D2HGDH: variants seen among roughly 807,000 people sequenced by gnomAD.
D2HGDH encodes D-2-hydroxyglutarate dehydrogenase.
D2HGDH carries 31 observed loss-of-function variants against 46.9 expected under a neutral mutation model. That is an observed-to-expected ratio of 0.66 (90% CI 0.50 to 0.89). The LOEUF (loss-of-function observed/expected upper bound fraction) is 0.89, where lower values mean the gene tolerates loss of function less well. D2HGDH is among the 40% of genes least tolerant of loss of function. The probability of loss-of-function intolerance (pLI) is 0.00; values close to 1 mark genes in which losing one functional copy is unlikely to be tolerated. For synonymous variants in D2HGDH, 364 were observed against 332.6 expected (o/e 1.09, Z -1.03); for missense variants, 698 against 720.8 (o/e 0.97, Z 0.36).
rs1480913681 is a variant in D2HGDH at position 241,756,002 on chromosome 2, T to C, written c.1294T>C (p.Tyr432His). 6 of 1,599,008 alleles carry C rather than the reference T, an allele frequency of 3.8e-6. No individual in the cohort carries two copies. Among genetic ancestry groups the C allele is most frequent in the Non-Finnish European group, 5.1e-6 (6 of 1,169,016 alleles). The stretch of plus-strand genomic sequence containing the variant: ...CCCGCACGCCAAGCACGTGGTGGGC[T>C]ATGGCCACCTTGGTGAGCGGCGCCC... The part of the protein sequence containing the change: ...LGPHAKHVVG[Y>H]GHLGDGNLHL... The change falls in exon 9 of 10, where the codon TAT becomes CAT. Residue 432 changes from tyrosine (Y) to histidine (H), a missense_variant. Tyr to His is a moderately conservative substitution (Grantham distance 83, BLOSUM62 2). Coordinates refer to ENST00000321264, the MANE Select transcript of D2HGDH (RefSeq NM_152783.5).
At position 241,742,415 on chromosome 2, in the gene D2HGDH, C is replaced by T. The variant is rs1342776670; in HGVS notation, c.351-20C>T. On this transcript the variant is annotated intron_variant, in intron 3 of 9. Transcript: ENST00000321264. This position sits in a 1 kb window ranked among gnomAD's most constrained non-coding sequence, Gnocchi z 4.8. ...AGGGGTGGGGACAGAGCCCCAACGT[C>T]CCTCCTGTCCTCATCCCAGGCACTG... is the stretch of plus-strand genomic sequence containing the variant. 1.3e-6 allele frequency: 2 copies of T among 1,598,794 alleles called. No individual in the cohort carries two copies. The highest frequency in any genetic ancestry group is 2.2e-5 in the South Asian group (2 of 89,382).
At chr2:241,737,114 G>C (rs1208189015) in intron 2 of D2HGDH, among the ~76,000 whole-genome samples, 1 of 152,156 alleles carries the variant, frequency 6.6e-6, no homozygotes, top group African/African-American at 2.4e-5. Context: ...GACTACAGGC[G>C]CCCGCCACCA....
At chr2:241,745,003 C>G (rs1050763789) in intron 6 of D2HGDH, 126 bp downstream of exon 6, 8 of 1,235,322 alleles carry the variant, frequency 6.5e-6, no homozygotes, top group African/African-American at 6.0e-5. Context: ...GTTCCCGTGT[C>G]TCCTGACATC....
chr2:241,751,461 C>T (rs572813814), intron 8 of D2HGDH, 73 bp downstream of exon 8: 50 of 1,589,408 alleles, frequency 3.1e-5, no homozygotes, highest in East Asian at 4.5e-5. Context: ...ATGCCTGGAA[C>T]GGTCATTGGT....
At chr2:241,740,752 C>T (rs1297179931) in intron 2 of D2HGDH, among the ~76,000 whole-genome samples, 1 of 152,182 alleles carries the variant, frequency 6.6e-6, no homozygotes, top group Non-Finnish European at 1.5e-5. Flanking sequence ...CGAGACCAGC[C>T]TGGCCAATGT....
At chr2:241,737,610 C>T (rs896154195) in intron 2 of D2HGDH, among the ~76,000 whole-genome samples, 25 of 152,198 alleles carry the variant, frequency 1.6e-4, no homozygotes, top group African/African-American at 5.3e-4. Context: ...CTGTCTCAGC[C>T]TCCTGAGTAG....
intron 6 of D2HGDH, chr2:241,749,179 G>A (rs1381359796): frequency 1.3e-5 from 11 of 847,914 alleles, no homozygotes; most frequent in Non-Finnish European, 1.7e-5. Flanking sequence ...AGTCCCCACC[G>A]CCAGACCCTC....
chr2:241,746,975 A>C (rs964225576), intron 6 of D2HGDH, among the ~76,000 whole-genome samples: 2 of 151,826 alleles, frequency 1.3e-5, no homozygotes, highest in African/African-American at 4.8e-5. Flanking sequence ...AGTCTGTGAA[A>C]GTTTTTTTTA....
intron 6 of D2HGDH, among the ~76,000 whole-genome samples, chr2:241,747,983 G>A (rs1245045782): frequency 6.6e-6 from 1 of 152,190 alleles, no homozygotes; most frequent in Non-Finnish European, 1.5e-5. Flanking sequence ...GGGTCTCCTG[G>A]ATTCCTCACT....
At chr2:241,754,490 ATGG>A (rs1697852002) in intron 8 of D2HGDH, 1 of 152,010 alleles carries the variant, frequency 6.6e-6, no homozygotes, top group African/African-American at 2.4e-5. Context: ...CAAAAAATTG[ATGG>A]TGGGGAAATG....
chr2:241,749,412 C>T (rs1408767917), intron 6 of D2HGDH: 2 of 1,240,084 alleles, frequency 1.6e-6, no homozygotes, highest in Non-Finnish European at 2.1e-6. Flanking sequence ...GGGCACGGGC[C>T]CCCTCCTGCT....
At position 241,743,958 on chromosome 2, in the gene D2HGDH, G is replaced by C; in HGVS notation, c.684+143G>C. On this transcript the variant is annotated intron_variant, in intron 5 of 9. Transcript: ENST00000321264. This position sits in a 1 kb window ranked among gnomAD's most constrained non-coding sequence, Gnocchi z 4.8. The stretch of plus-strand genomic sequence containing the variant: ...CTGGCCCTGGGCCCCTCAAGGATGT[G>C]TGGGCTACATACACCCCCATCCTGA... The C allele has an allele frequency of 2.1e-5, 19 of 916,508 alleles. 3 individuals carry two copies. In the South Asian group the frequency reaches 3.1e-4, roughly 15 times the overall value. The allele number at this position is 916,508 out of a possible 1,614,324, so 56.8% of individuals were successfully genotyped here.
intron 6 of D2HGDH, chr2:241,749,394 T>A: frequency 7.9e-7 from 1 of 1,265,848 alleles, no homozygotes; most frequent in East Asian, 5.6e-5. Flanking sequence ...TGTCTCGCCC[T>A]GAAAGGTGGG....
chr2:241,739,564 C>T (rs944676407), intron 2 of D2HGDH, among the ~76,000 whole-genome samples: 17 of 152,232 alleles, frequency 1.1e-4, no homozygotes, highest in East Asian at 3.8e-4. Flanking sequence ...GACAGGCTCC[C>T]GTGACTGCAC....
chr2:241,752,377 G>A (rs532612243), intron 8 of D2HGDH, among the ~76,000 whole-genome samples: 4 of 152,220 alleles, frequency 2.6e-5, no homozygotes, highest in East Asian at 1.9e-4. Context: ...TCAAGTGTGC[G>A]TCCTTCCTAG....
rs141524359 is a variant in D2HGDH at position 241,750,260 on chromosome 2, C to T, written c.963C>T (p.Val321=). Residue 321 remains valine, a synonymous_variant, in exon 7 of 10, where the codon GTC becomes GTT. Transcript: ENST00000321264. ...TGGATGCTGTGTGCATGCAGCTGGT[C>T]GGGCGCCATCTCCACCTGGCCAGCC... ...EFMDAVCMQL[V]GRHLHLASPV... The T allele has an allele frequency of 3.9e-5, 63 of 1,613,656 alleles. No individual in the cohort carries two copies. Among genetic ancestry groups the T allele is most frequent in the South Asian group, 4.4e-5 (4 of 91,064 alleles).
intron 9 of D2HGDH, among the ~76,000 whole-genome samples, chr2:241,760,113 C>T (rs555777649): frequency 1.5e-4 from 19 of 130,336 alleles, no homozygotes; most frequent in Non-Finnish European, 3.0e-4. Flanking sequence ...CCCAATCAGT[C>T]GAAGGACTTC....
intron 1 of D2HGDH, chr2:241,734,901 A>T: frequency 3.3e-6 from 1 of 306,712 alleles, no homozygotes; most frequent in Non-Finnish European, 6.0e-6. Context: ...AGCTCGGAGG[A>T]ACGGGGTCCT....
intron 9 of D2HGDH, among the ~76,000 whole-genome samples, chr2:241,757,071 A>G (rs552651731): frequency 8.5e-5 from 13 of 152,314 alleles, no homozygotes; most frequent in Non-Finnish European, 1.3e-4. Flanking sequence ...CGTGACGACA[A>G]TAACACGTAT....
Sources: gnomAD v4.1 joint callset for allele counts (sites outside exome capture counted in the v4.1 genomes callset) on GRCh38, gnomAD v4.1.1 for gene constraint, Gnocchi (gnomAD v3.1) non-coding constraint, MANE v1.5 for transcripts, NCBI Gene and HGNC (gene_info 2026-07-23, HGNC 2026-07-21) for gene names.